Variants in STK39 observed in about 807,000 individuals in gnomAD.
The protein encoded by STK39 is serine/threonine kinase 39.
A neutral mutation model predicts 77.8 loss-of-function variants in STK39; 20 were observed. The ratio of observed to expected loss-of-function variants is 0.26; its 90% CI spans 0.18 to 0.37. The LOEUF is 0.37. Ranked by LOEUF, STK39 falls within the 10% of genes least tolerant of loss-of-function variation. The pLI is 1.00. For synonymous variants in STK39, 246 were observed against 234.1 expected (o/e 1.05, Z -0.47); for missense variants, 479 against 656.5 (o/e 0.73, Z 2.95).
At chr2:168,138,905 C>T (rs1346123781) in intron 7 of STK39, among the ~76,000 whole-genome samples, 1 of 152,072 alleles carries the variant, frequency 6.6e-6, no homozygotes, top group Non-Finnish European at 1.5e-5. Flanking sequence ...CTCTTTCATA[C>T]TAACTTCAAA....
chr2:168,141,988 A>G (rs1273979171), intron 5 of STK39, among the ~76,000 whole-genome samples: 1 of 152,254 alleles, frequency 6.6e-6, no homozygotes, highest in Non-Finnish European at 1.5e-5. Context: ...CAGGATTTCA[A>G]CTACAAATAA....
At chr2:168,245,268 CTGGCAGTCACTCCCT>C (rs1422585788) in intron 1 of STK39, among the ~76,000 whole-genome samples, 2 of 152,214 alleles carry the variant, frequency 1.3e-5, no homozygotes, top group African/African-American at 4.8e-5. Flanking sequence ...CTTCTCTTTC[CTGGCAGTCACTCCCT>C]CCTTCGGGCT....
chr2:168,110,426 T>A (rs4667559), intron 10 of STK39, among the ~76,000 whole-genome samples: 1 of 152,034 alleles, frequency 6.6e-6, no homozygotes, highest in African/African-American at 2.4e-5. Context: ...TTTGTAGAGA[T>A]GCGGTCTCGC....
At chr2:168,042,740 C>G (rs11680653) in intron 14 of STK39, among the ~76,000 whole-genome samples, 74,136 of 151,764 alleles carry the variant, frequency 0.49, 19,151 homozygotes, top group Non-Finnish European at 0.56. Flanking sequence ...CCACCATGCT[C>G]AGCTAATTTT....
intron 14 of STK39, among the ~76,000 whole-genome samples, chr2:168,024,545 T>A (rs1014677440): frequency 2.6e-5 from 4 of 152,136 alleles, no homozygotes; most frequent in South Asian, 2.1e-4. Context: ...TCTCTCACCC[T>A]CTCTTTGCAC....
At chr2:168,093,052 C>T (rs1227282115) in intron 10 of STK39, among the ~76,000 whole-genome samples, 1 of 152,178 alleles carries the variant, frequency 6.6e-6, no homozygotes, top group African/African-American at 2.4e-5. Context: ...CCTGGAAGCC[C>T]TGCAAGAATC....
chr2:168,147,474 C>CT (rs1688170349), intron 5 of STK39, among the ~76,000 whole-genome samples: 1 of 152,166 alleles, frequency 6.6e-6, no homozygotes, highest in Admixed American at 6.5e-5. Context: ...TTTCTTAATT[C>CT]TGTTGGGAAC....
At chr2:167,971,310 C>A (rs1010884166) in intron 16 of STK39, among the ~76,000 whole-genome samples, 1 of 152,060 alleles carries the variant, frequency 6.6e-6, no homozygotes, top group Non-Finnish European at 1.5e-5. Context: ...AACTAACTGG[C>A]CTGGATCCAG....
chr2:168,192,467 T>A (rs1689363304), intron 1 of STK39, among the ~76,000 whole-genome samples: 1 of 152,218 alleles, frequency 6.6e-6, no homozygotes, highest in African/African-American at 2.4e-5. Context: ...AAATGATCCT[T>A]TTTAATATCT....
At chr2:168,008,619 A>C (rs1380141479) in intron 16 of STK39, among the ~76,000 whole-genome samples, 1 of 152,196 alleles carries the variant, frequency 6.6e-6, no homozygotes, top group East Asian at 1.9e-4. Flanking sequence ...AAAGAGTGGA[A>C]GGTATTTAAT....
At chr2:168,217,952 G>A (rs746298793) in intron 1 of STK39, among the ~76,000 whole-genome samples, 23 of 152,262 alleles carry the variant, frequency 1.5e-4, no homozygotes, top group Non-Finnish European at 2.5e-4. Flanking sequence ...CTAAGATCAC[G>A]TCCATGTTAT....
At chr2:168,179,261 AAAT>A (rs1689024366) in intron 2 of STK39, among the ~76,000 whole-genome samples, 1 of 152,232 alleles carries the variant, frequency 6.6e-6, no homozygotes, top group South Asian at 2.1e-4. Flanking sequence ...GAGCCCTCTG[AAAT>A]AATAAAAGTG....
intron 10 of STK39, among the ~76,000 whole-genome samples, chr2:168,106,713 T>C (rs1457566942): frequency 6.6e-6 from 1 of 152,112 alleles, no homozygotes; most frequent in Non-Finnish European, 1.5e-5. Flanking sequence ...TCTCAGCTAC[T>C]CTGGAGACTG....
chr2:168,211,569 C>A (rs555651644), intron 1 of STK39, among the ~76,000 whole-genome samples: 1 of 152,198 alleles, frequency 6.6e-6, no homozygotes, highest in Non-Finnish European at 1.5e-5. Flanking sequence ...AGGAAGTATT[C>A]CTGCCTTAAA....
chr2:168,018,270 C>A (rs1006319487), intron 14 of STK39, among the ~76,000 whole-genome samples: 1 of 152,034 alleles, frequency 6.6e-6, no homozygotes, highest in African/African-American at 2.4e-5. Context: ...GAGGCTGAGG[C>A]AGGTGGATCA....
intron 17 of STK39, chr2:167,964,326 G>T (rs1208891442): frequency 5.3e-5 from 12 of 225,134 alleles, no homozygotes; most frequent in Non-Finnish European, 8.6e-5. Context: ...TTTATTAAGA[G>T]TGTTGCTTTG....
chr2:168,150,553 T>C (rs1688252705), intron 5 of STK39, among the ~76,000 whole-genome samples: 1 of 152,140 alleles, frequency 6.6e-6, no homozygotes, highest in Admixed American at 6.5e-5. Flanking sequence ...GGAGAGAGGC[T>C]ATAGGTAAAC....
intron 16 of STK39, among the ~76,000 whole-genome samples, chr2:168,010,594 A>G (rs1684246658): frequency 6.6e-6 from 1 of 152,238 alleles, no homozygotes; most frequent in African/African-American, 2.4e-5. Context: ...ACGTTAAGTC[A>G]CTTTCCTTTA....
chr2:168,151,533 G>A lies in STK39; in HGVS notation c.628+10254C>T, dbSNP rs184394327. ...AGTCAGATTGCAAGGTCAGGAGATC[G>A]AGACCATCCTAGCTAACACGGTGAA... is the stretch of plus-strand genomic sequence containing the variant. On this transcript the variant is annotated intron_variant, in intron 5 of 17. Transcript: ENST00000355999. 5.4e-3 allele frequency among the ~76,000 whole-genome samples: 826 copies of A among 152,108 alleles called. 10 individuals are homozygous for A. The highest frequency in any genetic ancestry group is 0.019 in the African/African-American group (786 of 41,498).
Sources: allele counts gnomAD v4.1 joint callset (sites outside exome capture counted in the v4.1 genomes callset), GRCh38; gene constraint gnomAD v4.1.1; transcripts MANE v1.5; gene names NCBI Gene and HGNC (gene_info 2026-07-23, HGNC 2026-07-21).